MGAT4A: variants seen among roughly 807,000 people sequenced by gnomAD.
The protein encoded by MGAT4A is N-acetylglucosaminyltransferase IVa.
In MGAT4A, 33 loss-of-function variants were observed where a neutral mutation model predicts 74.1. The observed-to-expected ratio is 0.45, with a 90% CI of 0.34 to 0.60. The LOEUF (loss-of-function observed/expected upper bound fraction) is 0.60, where lower values mean the gene tolerates loss of function less well. MGAT4A is among the 20% of genes least tolerant of loss of function. The pLI, the probability that MGAT4A is intolerant of heterozygous loss-of-function variation, is 0.02. For synonymous variants in MGAT4A, 198 were observed against 210.4 expected, an observed-to-expected ratio of 0.94 and a Z score of 0.51; for missense variants, 479 against 628.3, an observed-to-expected ratio of 0.76 and a Z score of 2.54.
In MGAT4A at chr2:98,663,349, C is replaced by T. The variant is rs76878531; in HGVS notation, c.404-170G>A. The T allele has an allele frequency of 5.2e-6, 8 of 1,530,432 alleles. No homozygotes were observed. In the African/African-American group the frequency reaches 8.4e-5, roughly 16 times the overall value. The allele number at this position is 1,530,432 out of a possible 1,614,324, so 94.8% of individuals were successfully genotyped here. A position where few individuals can be genotyped will look rare whatever the true frequency, so the allele number is the denominator to read the frequency against. On this transcript the variant is annotated intron_variant, in intron 4 of 15. Coordinates refer to ENST00000393487, the MANE Select transcript of MGAT4A (RefSeq NM_012214.3). ...AGAATACAAGGGCATACCTGTAATA[C>T]TGTAATTCATTTTCACATGGCTTAA...
chr2:98,636,919 C>A (rs1221290236), intron 12 of MGAT4A, among the ~76,000 whole-genome samples: 1 of 152,144 alleles, frequency 6.6e-6, no homozygotes, highest in Non-Finnish European at 1.5e-5. Context: ...AAATATTTAA[C>A]CCTCTTCCCA....
intron 4 of MGAT4A, among the ~76,000 whole-genome samples, chr2:98,664,247 A>G (rs1701794266): frequency 6.8e-6 from 1 of 146,320 alleles, no homozygotes; most frequent in Admixed American, 6.8e-5. Context: ...AACTTTGTGT[A>G]CTATTTGTGC....
At chr2:98,703,340 T>A (rs1238872292) in intron 2 of MGAT4A, among the ~76,000 whole-genome samples, 2 of 151,988 alleles carry the variant, frequency 1.3e-5, no homozygotes, top group African/African-American at 4.8e-5. Flanking sequence ...ATAGAAATTA[T>A]CGAGTCTGAA....
intron 6 of MGAT4A, 94 bp from the exon 7 acceptor site, chr2:98,656,559 T>A: frequency 1.3e-6 from 1 of 768,932 alleles, no homozygotes; most frequent in Non-Finnish European, 2.1e-6. Context: ...AACACATCAG[T>A]AATCATTTGT....
chr2:98,676,477 G>A (rs1701977894), intron 3 of MGAT4A, among the ~76,000 whole-genome samples: 1 of 152,044 alleles, frequency 6.6e-6, no homozygotes, highest in South Asian at 2.1e-4. Context: ...TCCAGCAAAT[G>A]TATCATTTGT....
intron 2 of MGAT4A, among the ~76,000 whole-genome samples, chr2:98,719,465 C>A (rs1702635302): frequency 6.6e-6 from 1 of 152,068 alleles, no homozygotes; most frequent in South Asian, 2.1e-4. Context: ...GTGAAGGGGA[C>A]CTTAGTACCC....
In MGAT4A at chr2:98,689,986, C is replaced by G. The variant is rs1702173704; in HGVS notation, c.95-11515G>C. Among the ~76,000 whole-genome samples, 9 of 152,076 alleles carry G rather than the reference C, an allele frequency of 5.9e-5. 1 individual carries two copies. The South Asian group carries it at 1.9e-3, about 32-fold the overall frequency. On this transcript the variant is annotated intron_variant, in intron 2 of 15. Transcript: ENST00000393487. ...GAATGGGAACTAGAAAAGTCGGCAA[C>G]CTGAAAATACCAACAGGAGCACAAA...
Position 98,641,888 on chromosome 2 carries a change from G to A in MGAT4A, c.1021-1660C>T, listed in dbSNP as rs536137144. Among the ~76,000 whole-genome samples the A allele has an allele frequency of 5.3e-5, 8 of 151,768 alleles. No homozygotes were observed. In the South Asian group the frequency reaches 1.7e-3, roughly 32 times the overall value. ...CGTGCCTGTAGTCCCAGCTACTCAG[G>A]AGGCTGAGAGGCAGGAGAATCGCTT... is the stretch of plus-strand genomic sequence containing the variant. On this transcript the variant is annotated intron_variant, in intron 10 of 15. Coordinates refer to ENST00000393487, the MANE Select transcript of MGAT4A (RefSeq NM_012214.3).
chr2:98,675,688 C>T (rs1479501697), intron 3 of MGAT4A, among the ~76,000 whole-genome samples: 2 of 151,940 alleles, frequency 1.3e-5, no homozygotes, highest in Non-Finnish European at 2.9e-5. Flanking sequence ...CCTGGGACTG[C>T]AGGCACATGC....
chr2:98,686,392 C>T (rs901647384), intron 2 of MGAT4A, among the ~76,000 whole-genome samples: 3 of 152,122 alleles, frequency 2.0e-5, no homozygotes, highest in Non-Finnish European at 4.4e-5. Flanking sequence ...TCTAAGCTGT[C>T]GGCTAATATA....
intron 2 of MGAT4A, among the ~76,000 whole-genome samples, chr2:98,714,550 TC>T (rs1702566308): frequency 6.6e-6 from 1 of 152,106 alleles, no homozygotes; most frequent in African/African-American, 2.4e-5. Context: ...CACACATGTA[TC>T]CCCTTGCTCT....
At chr2:98,709,237 C>G (rs1702481257) in intron 2 of MGAT4A, among the ~76,000 whole-genome samples, 1 of 152,080 alleles carries the variant, frequency 6.6e-6, no homozygotes, top group Admixed American at 6.6e-5. Flanking sequence ...CTCCCAAACA[C>G]CAACTCTAAG....
At position 98,624,301 on chromosome 2, in the gene MGAT4A, A is replaced by C. The variant is rs1020370980; in HGVS notation, c.*1265T>G. 1.0e-5 allele frequency: 10 copies of C among 952,682 alleles called. No individual in the cohort carries two copies. The highest frequency in any genetic ancestry group is 8.9e-5 in the African/African-American group (5 of 56,486). The allele number at this position is 952,682 out of a possible 1,614,324, so 59.0% of individuals were successfully genotyped here. A position where few individuals can be genotyped will look rare whatever the true frequency, so the allele number is the denominator to read the frequency against. ...TGCTGGGATTACAGGCGTGAGCCACAGCGCCTGGTGATAATTCATCATTTT... is the reference window on the plus strand; with the variant it reads ...TGCTGGGATTACAGGCGTGAGCCACCGCGCCTGGTGATAATTCATCATTTT... On this transcript the variant is annotated 3_prime_UTR_variant, in exon 16 of 16. Coordinates refer to ENST00000393487, the MANE Select transcript of MGAT4A (RefSeq NM_012214.3).
chr2:98,714,626 C>T (rs1327479547), intron 2 of MGAT4A, among the ~76,000 whole-genome samples: 1 of 152,010 alleles, frequency 6.6e-6, no homozygotes, highest in Non-Finnish European at 1.5e-5. Flanking sequence ...ACTCTATTCT[C>T]CAAAGGAACT....
At chr2:98,686,594 T>C (rs1171530538) in intron 2 of MGAT4A, among the ~76,000 whole-genome samples, 1 of 151,930 alleles carries the variant, frequency 6.6e-6, no homozygotes, top group African/African-American at 2.4e-5. Flanking sequence ...CCACCCAGGC[T>C]GGAGTGCAGT....
Position 98,658,636 on chromosome 2 carries a change from G to T in MGAT4A, c.538-372C>A, listed in dbSNP as rs1701696340. Among the ~76,000 whole-genome samples, 3 of 152,104 alleles carry T rather than the reference G, an allele frequency of 2.0e-5. 1 individual carries two copies. In the South Asian group the frequency reaches 6.2e-4, roughly 32 times the overall value. On this transcript the variant is annotated intron_variant, in intron 5 of 15. Transcript: ENST00000393487. ...ATCATAAAACCTAGGTTCAAGGTTT[G>T]CCTCTGTAGCTACTGAACTGCATAC...
At chr2:98,653,590 C>T (rs1402488774) in intron 8 of MGAT4A, among the ~76,000 whole-genome samples, 1 of 151,928 alleles carries the variant, frequency 6.6e-6, no homozygotes, top group African/African-American at 2.4e-5. Context: ...AATGGATAAA[C>T]CTCTAAAAAC....
chr2:98,650,197 A>G (rs1170528083), intron 8 of MGAT4A, among the ~76,000 whole-genome samples: 1 of 152,212 alleles, frequency 6.6e-6, no homozygotes, highest in Non-Finnish European at 1.5e-5. Flanking sequence ...CAGTGAACTT[A>G]AAGATAGGAC....
intron 3 of MGAT4A, among the ~76,000 whole-genome samples, chr2:98,675,517 A>T (rs1701967265): frequency 6.6e-6 from 1 of 152,118 alleles, no homozygotes; most frequent in African/African-American, 2.4e-5. Flanking sequence ...TGTAATAAAT[A>T]ATAAGTACAT....
Sources: gnomAD v4.1 joint callset for allele counts (sites outside exome capture counted in the v4.1 genomes callset) on GRCh38, gnomAD v4.1.1 for gene constraint, MANE v1.5 for transcripts, NCBI Gene and HGNC (gene_info 2026-07-23, HGNC 2026-07-21) for gene names.